The following ANKS1A variants were observed in gnomAD, a reference collection of about 807,000 sequenced individuals.
ANKS1A encodes the protein ankyrin repeat and sterile alpha motif domain containing 1A, also known as ankyrin repeat and SAM domain-containing protein 1A.
A neutral mutation model predicts 120.3 loss-of-function variants in ANKS1A; 55 were observed. The ratio of observed to expected loss-of-function variants is 0.46; its 90% CI spans 0.37 to 0.57. The LOEUF is 0.57. ANKS1A is among the 20% of genes least tolerant of loss of function. The pLI, the probability that ANKS1A is intolerant of heterozygous loss-of-function variation, is 0.00. For synonymous variants in ANKS1A, 590 were observed against 604.7 expected, an observed-to-expected ratio of 0.98 and a Z score of 0.36; for missense variants, 1,123 against 1,480.3, an observed-to-expected ratio of 0.76 and a Z score of 3.96.
chr6:35,036,640 G>T (rs1026434632), intron 11 of ANKS1A, among the ~76,000 whole-genome samples: 4 of 152,184 alleles, frequency 2.6e-5, no homozygotes, highest in African/African-American at 9.7e-5. Context: ...TCTGGTTTTG[G>T]TTCAGTGACT....
chr6:34,999,276 C>A (rs952281966), intron 10 of ANKS1A, among the ~76,000 whole-genome samples: 6 of 152,166 alleles, frequency 3.9e-5, no homozygotes, highest in African/African-American at 1.4e-4. Context: ...GCCTGATCAC[C>A]CATGGCGTGC....
intron 1 of ANKS1A, among the ~76,000 whole-genome samples, chr6:34,915,943 A>C (rs1768133902): frequency 6.7e-6 from 1 of 150,290 alleles, no homozygotes; most frequent in Non-Finnish European, 1.5e-5. Flanking sequence ...GCCACCTAAA[A>C]GCCTCTGAAG....
intron 10 of ANKS1A, among the ~76,000 whole-genome samples, chr6:34,996,862 G>A (rs1425821092): frequency 2.0e-5 from 3 of 152,036 alleles, no homozygotes; most frequent in Non-Finnish European, 4.4e-5. Flanking sequence ...TTTTATATAT[G>A]GTGTGAGGTA....
intron 10 of ANKS1A, among the ~76,000 whole-genome samples, chr6:35,008,370 C>T (rs1044505424): frequency 3.9e-5 from 6 of 152,060 alleles, no homozygotes; most frequent in African/African-American, 1.4e-4. Context: ...GCATGTGCCA[C>T]CATGCCCAGC....
chr6:35,095,262 G>A (rs1012279115), downstream of ANKS1A, among the ~76,000 whole-genome samples: 1 of 151,884 alleles, frequency 6.6e-6, no homozygotes, highest in Non-Finnish European at 1.5e-5. Flanking sequence ...TAAACTCTGC[G>A]AAAGTGGTTA....
intron 11 of ANKS1A, among the ~76,000 whole-genome samples, chr6:35,048,459 C>T (rs372536073): frequency 1.3e-5 from 2 of 152,166 alleles, no homozygotes; most frequent in South Asian, 2.1e-4. Context: ...CCCTGCCATG[C>T]GCCTTTCCCC....
intron 2 of ANKS1A, among the ~76,000 whole-genome samples, chr6:34,968,147 G>A (rs935284150): frequency 6.6e-6 from 1 of 152,054 alleles, no homozygotes; most frequent in African/African-American, 2.4e-5. Context: ...ACATTAAATG[G>A]CCTATGTAAT....
intron 1 of ANKS1A, among the ~76,000 whole-genome samples, chr6:34,923,074 G>A (rs145748088): frequency 6.6e-6 from 1 of 152,198 alleles, no homozygotes. Context: ...TGAAGAAGAC[G>A]TCTAGAAAGA....
At chr6:35,046,374 G>T (rs563468707) in intron 11 of ANKS1A, among the ~76,000 whole-genome samples, 1 of 152,322 alleles carries the variant, frequency 6.6e-6, no homozygotes, top group East Asian at 1.9e-4. Context: ...TCTCGGGCAT[G>T]TCTTTGCTTA....
At chr6:35,008,506 A>G (rs1773579382) in intron 10 of ANKS1A, among the ~76,000 whole-genome samples, 1 of 152,162 alleles carries the variant, frequency 6.6e-6, no homozygotes, top group South Asian at 2.1e-4. Flanking sequence ...ACTGCACTGG[A>G]CTTTTCTCAC....
At chr6:35,061,890 C>T (rs868223446) in intron 13 of ANKS1A, among the ~76,000 whole-genome samples, 37 of 152,188 alleles carry the variant, frequency 2.4e-4, no homozygotes, top group African/African-American at 7.2e-4. Context: ...TCTCAACTCA[C>T]CCCTTCCTCA....
chr6:35,050,946 A>G lies in ANKS1A; in HGVS notation c.2011-3153A>G, dbSNP rs538444923. Among the ~76,000 whole-genome samples, 4 of 152,272 alleles carry G rather than the reference A, an allele frequency of 2.6e-5. No homozygotes were observed. In the East Asian group the frequency reaches 7.7e-4, roughly 29 times the overall value. Reference sequence around the variant, plus strand: ...CAGCTTGACTTAGCCATGGCAGTTCACAGAACAATAGAACAACTTCCTAGC... The same window carrying G: ...CAGCTTGACTTAGCCATGGCAGTTCGCAGAACAATAGAACAACTTCCTAGC... On this transcript the variant is annotated intron_variant, in intron 11 of 23. Transcript: ENST00000360359. The surrounding 1 kb of genome is among the most constrained non-coding windows in gnomAD (Gnocchi z 4.3).
At chr6:35,093,156 C>T (rs1314854788), downstream of ANKS1A, among the ~76,000 whole-genome samples, 2 of 152,238 alleles carry the variant, frequency 1.3e-5, no homozygotes, top group Middle Eastern at 3.4e-3. Flanking sequence ...GCAGCCTCTA[C>T]GACTTTGAGA....
intron 10 of ANKS1A, among the ~76,000 whole-genome samples, chr6:35,009,495 G>A (rs1773628598): frequency 6.6e-6 from 1 of 152,136 alleles, no homozygotes; most frequent in African/African-American, 2.4e-5. Flanking sequence ...AGGTACCAGA[G>A]AACATCCAAG....
chr6:34,990,740 A>G (rs532772152), intron 9 of ANKS1A, among the ~76,000 whole-genome samples: 1 of 152,292 alleles, frequency 6.6e-6, no homozygotes, highest in Non-Finnish European at 1.5e-5. Context: ...GAAGGGGGAA[A>G]TCTTCATATT....
intron 1 of ANKS1A, among the ~76,000 whole-genome samples, chr6:34,906,051 G>T (rs1767631203): frequency 1.3e-5 from 2 of 152,080 alleles, no homozygotes; most frequent in Non-Finnish European, 2.9e-5. Flanking sequence ...AGTGCCCCTC[G>T]GGGATCTTCT....
chr6:35,023,610 A>G (rs1399361230), intron 11 of ANKS1A: 16 of 483,102 alleles, frequency 3.3e-5, no homozygotes, highest in Non-Finnish European at 5.9e-5. Context: ...CAAAGGAGGC[A>G]TTATGCCTCC....
Position 35,044,305 on chromosome 6 carries a change from G to A in ANKS1A, c.2011-9794G>A, listed in dbSNP as rs1445693847. On this transcript the variant is annotated intron_variant, in intron 11 of 23. Coordinates refer to ENST00000360359, the MANE Select transcript of ANKS1A (RefSeq NM_015245.3). This position sits in a 1 kb window ranked among gnomAD's most constrained non-coding sequence, Gnocchi z 4.4. The stretch of plus-strand genomic sequence containing the variant: ...TCAATAACAGGTTTGCCAGGTAGGT[G>A]TCGTTATCCCTGTTACAGATGACCA... Among the ~76,000 whole-genome samples, 5 of 152,226 alleles carry A rather than the reference G, an allele frequency of 3.3e-5. No individual in the cohort carries two copies. The highest frequency in any genetic ancestry group is 7.2e-5 in the African/African-American group (3 of 41,452).
Position 34,982,635 on chromosome 6 carries a change from G to A in ANKS1A, c.733-117G>A. On this transcript the variant is annotated intron_variant, in intron 4 of 23. Transcript: ENST00000360359. This position sits in a 1 kb window ranked among gnomAD's most constrained non-coding sequence, Gnocchi z 4.9. ...AAAAGCTGGAAAGATAATGACAGAG[G>A]GCTTTGTGTAGTTTGTTTTATTTTG... 3 of 1,012,556 alleles carry A rather than the reference G, an allele frequency of 3.0e-6. No homozygotes were observed. The highest frequency in any genetic ancestry group is 4.6e-6 in the Non-Finnish European group (3 of 655,324). The allele number at this position is 1,012,556 out of a possible 1,614,324, so 62.7% of individuals were successfully genotyped here.
Sources: gnomAD v4.1 joint callset for allele counts (sites outside exome capture counted in the v4.1 genomes callset) on GRCh38, gnomAD v4.1.1 for gene constraint, Gnocchi (gnomAD v3.1) non-coding constraint, MANE v1.5 for transcripts, NCBI Gene and HGNC (gene_info 2026-07-23, HGNC 2026-07-21) for gene names.